The following SMARCC1 variants were observed in gnomAD, a reference collection of about 807,000 sequenced individuals.
SMARCC1 encodes the protein SWI/SNF related BAF chromatin remodeling complex subunit C1.
Under a neutral mutation model 147.4 loss-of-function variants are expected in SMARCC1, and 43 were observed. The observed-to-expected ratio is 0.29, with a 90% CI of 0.23 to 0.38. The LOEUF is 0.38. Ranked by LOEUF, SMARCC1 falls within the 10% of genes least tolerant of loss-of-function variation. SMARCC1 has a pLI of 1.00. For synonymous variants in SMARCC1, 495 were observed against 484.4 expected (o/e 1.02, Z -0.29); for missense variants, 1,119 against 1,381.1 (o/e 0.81, Z 3.01).
At chr3:47,624,234 T>G (rs1351708715) in intron 24 of SMARCC1, among the ~76,000 whole-genome samples, 2 of 151,928 alleles carry the variant, frequency 1.3e-5, no homozygotes, top group Non-Finnish European at 2.9e-5. Flanking sequence ...GAGGTTGCAG[T>G]GAGCCGAGAT....
chr3:47,606,250 A>G (rs2032471435), intron 26 of SMARCC1, among the ~76,000 whole-genome samples: 1 of 152,204 alleles, frequency 6.6e-6, no homozygotes, highest in African/African-American at 2.4e-5. Context: ...AGTTTGCGGA[A>G]CTGCTTCACT....
chr3:47,775,072 C>T (rs903881066), intron 1 of SMARCC1, among the ~76,000 whole-genome samples: 5 of 151,968 alleles, frequency 3.3e-5, no homozygotes, highest in African/African-American at 1.2e-4. Context: ...CCAAAAAGTA[C>T]TGGGATTAGA....
chr3:47,675,250 A>C (rs1012679436), intron 18 of SMARCC1, among the ~76,000 whole-genome samples: 1 of 152,232 alleles, frequency 6.6e-6, no homozygotes, highest in Admixed American at 6.5e-5. Context: ...GATTCTTTTT[A>C]CAGATTCTAA....
intron 5 of SMARCC1, among the ~76,000 whole-genome samples, chr3:47,733,917 GCTTGTATATACA>G (rs1259649705): frequency 1.4e-5 from 2 of 147,768 alleles, no homozygotes; most frequent in East Asian, 3.9e-4. Flanking sequence ...ACACATATGT[GCTTGTATATACA>G]TATATACAAG....
chr3:47,619,138 T>A (rs1576389341), intron 25 of SMARCC1, among the ~76,000 whole-genome samples: 1 of 152,288 alleles, frequency 6.6e-6, no homozygotes, highest in South Asian at 2.1e-4. Flanking sequence ...CCTCTCCCCA[T>A]CTCCTGGGAA....
At chr3:47,590,379 G>A (rs908720894) in intron 27 of SMARCC1, among the ~76,000 whole-genome samples, 4 of 152,188 alleles carry the variant, frequency 2.6e-5, no homozygotes, top group Admixed American at 1.3e-4. Flanking sequence ...TAACAAGACA[G>A]GCTTAAACAG....
chr3:47,691,698 C>T (rs1402186230), intron 12 of SMARCC1, among the ~76,000 whole-genome samples: 2 of 151,604 alleles, frequency 1.3e-5, no homozygotes, highest in East Asian at 3.9e-4. Flanking sequence ...CTCGTATCTG[C>T]CATCAATAAT....
At chr3:47,670,264 CACTTT>C (rs1250181438) in intron 19 of SMARCC1, 1 of 174,908 alleles carries the variant, frequency 5.7e-6, no homozygotes, top group Non-Finnish European at 1.2e-5. Context: ...CTCCAGTGGA[CACTTT>C]TTAAAACAGA....
intron 2 of SMARCC1, among the ~76,000 whole-genome samples, chr3:47,750,578 C>T (rs991407815): frequency 6.6e-6 from 1 of 152,182 alleles, no homozygotes; most frequent in African/African-American, 2.4e-5. Context: ...TGCATGTAAT[C>T]ACTATTGCAC....
chr3:47,720,663 T>C lies in SMARCC1; in HGVS notation c.716+3A>G. 6.3e-7 allele frequency: 1 copy of C among 1,593,036 alleles called. No individual in the cohort carries two copies. On this transcript the variant is annotated splice_donor_region_variant and intron_variant, in intron 7 of 27. Transcript: ENST00000254480. ...ACCAGGTCTCACAGCATATGAACAT[T>C]ACCTGTCTGGGTAAAAGCCCCAATG...
At chr3:47,702,600 CA>C (rs1174413562) in intron 10 of SMARCC1, among the ~76,000 whole-genome samples, 1 of 152,108 alleles carries the variant, frequency 6.6e-6, no homozygotes. Flanking sequence ...TACCAAAAAA[CA>C]AAAAATTTAA....
intron 21 of SMARCC1, among the ~76,000 whole-genome samples, chr3:47,652,998 G>A (rs1441575846): frequency 7.2e-6 from 1 of 139,834 alleles, no homozygotes; most frequent in Admixed American, 7.9e-5. Context: ...CGCCCAGGCC[G>A]GACTGCGGAC....
chr3:47,601,315 G>T (rs559733606), intron 26 of SMARCC1, among the ~76,000 whole-genome samples: 4 of 152,152 alleles, frequency 2.6e-5, no homozygotes, highest in Non-Finnish European at 5.9e-5. Flanking sequence ...TTTGGGTTGG[G>T]AAAGGAGGGT....
chr3:47,742,158 T>A (rs1275433473), intron 3 of SMARCC1, among the ~76,000 whole-genome samples: 1 of 151,942 alleles, frequency 6.6e-6, no homozygotes, highest in African/African-American at 2.4e-5. Context: ...CATTCCTCTT[T>A]CGGGTTGAAG....
rs970421769 is a variant in SMARCC1, at chr3:47,586,124, T to C, written c.*2085A>G. On this transcript the variant is annotated 3_prime_UTR_variant, in exon 28 of 28. Coordinates refer to ENST00000254480, the MANE Select transcript of SMARCC1 (RefSeq NM_003074.4). Reference sequence around the variant, plus strand: ...CATGAAAAGAAAAAGCCACCACTTATACTGAAATATAACAGTGTTAAGAAT... The same window carrying C: ...CATGAAAAGAAAAAGCCACCACTTACACTGAAATATAACAGTGTTAAGAAT... The C allele has an allele frequency of 6.6e-6, 1 of 152,520 alleles. No individual in the cohort carries two copies. The highest frequency in any genetic ancestry group is 2.4e-5 in the African/African-American group (1 of 41,448). 9.4% of individuals were successfully genotyped at this position (152,520 alleles called of 1,614,324 possible).
At chr3:47,681,884 C>T (rs1412623026) in intron 14 of SMARCC1, among the ~76,000 whole-genome samples, 1 of 151,548 alleles carries the variant, frequency 6.6e-6, no homozygotes, top group African/African-American at 2.4e-5. Flanking sequence ...TAGGAAAGGC[C>T]CACTTTTAAA....
At chr3:47,649,702 A>G (rs1403261309) in intron 21 of SMARCC1, among the ~76,000 whole-genome samples, 1 of 152,238 alleles carries the variant, frequency 6.6e-6, no homozygotes, top group Non-Finnish European at 1.5e-5. Flanking sequence ...CAGAATTGAG[A>G]TGCAGACAGT....
intron 6 of SMARCC1, among the ~76,000 whole-genome samples, chr3:47,727,500 T>C (rs1559655780): frequency 6.6e-6 from 1 of 151,572 alleles, no homozygotes; most frequent in Non-Finnish European, 1.5e-5. Context: ...GAACAAAGAC[T>C]ACATCTCAAA....
chr3:47,719,530 G>A (rs1309206970), intron 7 of SMARCC1, among the ~76,000 whole-genome samples: 6 of 151,662 alleles, frequency 4.0e-5, no homozygotes, highest in Middle Eastern at 3.4e-3. Flanking sequence ...GTGAAACCCC[G>A]TCTCTACTAA....
Sources: allele counts gnomAD v4.1 joint callset (sites outside exome capture counted in the v4.1 genomes callset), GRCh38; gene constraint gnomAD v4.1.1; transcripts MANE v1.5; gene names NCBI Gene and HGNC (gene_info 2026-07-23, HGNC 2026-07-21).